HOXB13: variants seen among roughly 807,000 people sequenced by gnomAD.
HOXB13 encodes homeobox B13.
Under a neutral mutation model 23.1 loss-of-function variants are expected in HOXB13, and 22 were observed. That is an observed-to-expected ratio of 0.95 (90% confidence interval 0.68 to 1.36). The LOEUF (loss-of-function observed/expected upper bound fraction) is 1.36, where lower values mean the gene tolerates loss of function less well. Ranked by LOEUF, HOXB13 falls within the 40% of genes most tolerant of loss-of-function variation. The pLI, the probability that HOXB13 is intolerant of heterozygous loss-of-function variation, is 0.00. For synonymous variants in HOXB13, 173 were observed against 157.9 expected, an observed-to-expected ratio of 1.10 and a Z score of -0.72; for missense variants, 386 against 376.2, an observed-to-expected ratio of 1.03 and a Z score of -0.22.
rs1175466694 is a variant in HOXB13 at position 48,728,489 on chromosome 17, G to A, written c.105C>T (p.Ser35=). The change falls in exon 1 of 2, where the codon AGC becomes AGT. Residue 35 remains serine (S), a synonymous_variant. Transcript: ENST00000290295. The stretch of plus-strand genomic sequence containing the variant: ...GCATCAGCGTAGGCGCCGCTGGGTG[G>A]CTGGTCAGAGGGGAGTGGGCGACCA... ...RNLVAHSPLT[S]HPAAPTLMPA... is the part of the protein sequence containing the mutation. The A allele has an allele frequency of 4.3e-6, 7 of 1,613,290 alleles. No homozygotes were observed. The African/African-American group carries it at 6.7e-5, about 15-fold the overall frequency.
Position 48,728,678 on chromosome 17 carries a change from C to A in HOXB13, c.-85G>T, listed in dbSNP as rs2038245772. The A allele has an allele frequency of 1.5e-6, 2 of 1,363,052 alleles. No homozygotes were observed. Among genetic ancestry groups the A allele is most frequent in the East Asian group, 2.3e-5 (1 of 42,976 alleles). 84.4% of individuals were successfully genotyped at this position (1,363,052 alleles called of 1,614,324 possible). On this transcript the variant is annotated 5_prime_UTR_variant, in exon 1 of 2. Transcript: ENST00000290295. ...CTCTCCCCACCCAGGCCGGGGGAAT[C>A]CAAAGCGTTTTAAATCGCTCCCAGC...
At position 48,725,455 on chromosome 17, in the gene HOXB13, G is replaced by C. The variant is rs1464139404; in HGVS notation, c.*1335C>G. 1 of 152,208 alleles carries C rather than the reference G, an allele frequency of 6.6e-6. No individual in the cohort carries two copies. Among genetic ancestry groups the C allele is most frequent in the Non-Finnish European group, 1.5e-5 (1 of 68,064 alleles). 9.4% of individuals were successfully genotyped at this position (152,208 alleles called of 1,614,324 possible). A position where few individuals can be genotyped will look rare whatever the true frequency, so the allele number is the denominator to read the frequency against. ...GACCGCGGGCCATAAACACTTGGCTGCGGCGGCCGCCGCGGGGTTTCTAGG... is the reference window on the plus strand; with the variant it reads ...GACCGCGGGCCATAAACACTTGGCTCCGGCGGCCGCCGCGGGGTTTCTAGG... On this transcript the variant is annotated 3_prime_UTR_variant, in exon 2 of 2. Transcript: ENST00000290295.
chr17:48,727,446 TACAC>T (rs35119864), intron 1 of HOXB13, among the ~76,000 whole-genome samples: 1 of 149,688 alleles, frequency 6.7e-6, no homozygotes, highest in Non-Finnish European at 1.5e-5. Flanking sequence ...TACATGCGCA[TACAC>T]ACACACACAC....
chr17:48,728,553 T>A lies in HOXB13; in HGVS notation c.41A>T (p.Asp14Val). 1 of 1,612,976 alleles carries A rather than the reference T, an allele frequency of 6.2e-7. No individual in the cohort carries two copies. Among genetic ancestry groups the A allele is most frequent in the Non-Finnish European group, 8.5e-7 (1 of 1,179,958 alleles). ...GNYATLDGAKDIEGLLGAGGG... is the reference protein window; with the variant it reads ...GNYATLDGAKVIEGLLGAGGG... ...TCCCGCTCCCAGCAAGCCTTCGATA[T>A]CCTTGGCTCCATCCAAGGTGGCATA... is the stretch of plus-strand genomic sequence containing the variant. Residue 14 changes from aspartate (D) to valine (V), a missense_variant, in exon 1 of 2, where the codon GAT becomes GTT. By Grantham distance (152) the Asp-to-Val change is radical (BLOSUM62 -3). Transcript: ENST00000290295.
At position 48,728,037 on chromosome 17, in the gene HOXB13, C is replaced by T. The variant is rs1483360509; in HGVS notation, c.557G>A (p.Gly186Glu). The part of the protein sequence containing the change: ...GGWNSQMCCQ[G>E]EQNPPGPFWK... The stretch of plus-strand genomic sequence containing the variant: ...AAAGGGACCTGGTGGGTTCTGTTCT[C>T]CCTGGCAACACATCTGGCTGTTCCA... The change falls in exon 1 of 2, where the codon GGA becomes GAA. Residue 186 changes from glycine to glutamate, a missense_variant. By Grantham distance (98) the Gly-to-Glu change is moderately conservative. Coordinates refer to ENST00000290295, the MANE Select transcript of HOXB13 (RefSeq NM_006361.6). 3.1e-6 allele frequency: 5 copies of T among 1,614,208 alleles called. No homozygotes were observed. In the South Asian group the frequency reaches 5.5e-5, roughly 18 times the overall value.
chr17:48,727,088 C>T (rs1458362760), intron 1 of HOXB13, 45 bp from the exon 2 acceptor site: 6 of 1,593,234 alleles, frequency 3.8e-6, no homozygotes, highest in Non-Finnish European at 5.1e-6. Flanking sequence ...GGTCAGATAC[C>T]CACCCATGCA....
intron 1 of HOXB13, 95 bp from the exon 2 acceptor site, chr17:48,727,138 G>A (rs1280633931): frequency 6.9e-7 from 1 of 1,450,470 alleles, no homozygotes; most frequent in African/African-American, 1.4e-5. Flanking sequence ...TCATCTCACA[G>A]GTGCACACAG....
chr17:48,726,721 G>C lies in HOXB13; in HGVS notation c.*69C>G, dbSNP rs936773353. On this transcript the variant is annotated 3_prime_UTR_variant, in exon 2 of 2. Transcript: ENST00000290295. ...AGCAGAGTCCTTGGCCCCAGCCTGG[G>C]CTTGGCAGGTTCCTGGTCTCCCCAG... 6.4e-7 allele frequency: 1 copy of C among 1,574,220 alleles called. No homozygotes were observed. The highest frequency in any genetic ancestry group is 1.4e-5 in the African/African-American group (1 of 73,780).
Position 48,726,515 on chromosome 17 carries a change from C to G in HOXB13, c.*275G>C. 1 of 508,208 alleles carries G rather than the reference C, an allele frequency of 2.0e-6. No individual in the cohort carries two copies. Among genetic ancestry groups the G allele is most frequent in the East Asian group, 3.2e-5 (1 of 30,848 alleles). 31.5% of individuals were successfully genotyped at this position (508,208 alleles called of 1,614,324 possible). A position where few individuals can be genotyped will look rare whatever the true frequency, so the allele number is the denominator to read the frequency against. Reference sequence around the variant, plus strand: ...GATCATGGCAGCTAGTACTGGTTATCGTGATTATTGCCACTGTCAGGATGA... The same window carrying G: ...GATCATGGCAGCTAGTACTGGTTATGGTGATTATTGCCACTGTCAGGATGA... On this transcript the variant is annotated 3_prime_UTR_variant, in exon 2 of 2. Transcript: ENST00000290295.
chr17:48,726,252 C>A lies in HOXB13; in HGVS notation c.*538G>T, dbSNP rs2038207088. The A allele has an allele frequency of 6.4e-6, 1 of 155,066 alleles. No individual in the cohort carries two copies. Among genetic ancestry groups the A allele is most frequent in the African/African-American group, 2.4e-5 (1 of 41,470 alleles). 9.6% of individuals were successfully genotyped at this position (155,066 alleles called of 1,614,324 possible). A position where few individuals can be genotyped will look rare whatever the true frequency, so the allele number is the denominator to read the frequency against. On this transcript the variant is annotated 3_prime_UTR_variant, in exon 2 of 2. Transcript: ENST00000290295. The stretch of plus-strand genomic sequence containing the variant: ...GACAGCCTCTACAATTGTCCACCTA[C>A]CCAGCTGTCAGCTGAGAAAAATGCT...
chr17:48,725,860 A>G lies in HOXB13; in HGVS notation c.*930T>C, dbSNP rs2038202591. ...CCAGCTTCCAGAATTCCGCACTGTG[A>G]ATCTGTCTACGTGGACTGGGAAAAC... is the stretch of plus-strand genomic sequence containing the variant. On this transcript the variant is annotated 3_prime_UTR_variant, in exon 2 of 2. Transcript: ENST00000290295. 1.3e-5 allele frequency: 2 copies of G among 152,250 alleles called. No individual in the cohort carries two copies. The highest frequency in any genetic ancestry group is 4.8e-5 in the African/African-American group (2 of 41,460). The allele number at this position is 152,250 out of a possible 1,614,324, so 9.4% of individuals were successfully genotyped here.
rs1597934161 is a variant in HOXB13, at chr17:48,728,135, A to C, written c.459T>G (p.Gly153=). ...YLDVSVVQTL[G]APGEPRHDSL... is the part of the protein sequence containing the mutation. ...AGTCATGTCGCGGTTCTCCAGGAGC[A>C]CCCAGAGTCTGCACCACAGACACGT... The change falls in exon 1 of 2, where the codon GGT becomes GGG. Residue 153 remains glycine, a synonymous_variant. Transcript: ENST00000290295. 2 of 1,614,196 alleles carry C rather than the reference A, an allele frequency of 1.2e-6. No homozygotes were observed. The highest frequency in any genetic ancestry group is 1.7e-6 in the Non-Finnish European group (2 of 1,180,032).
At chr17:48,727,750 G>T (rs2143070037) in intron 1 of HOXB13, among the ~76,000 whole-genome samples, 1 of 152,222 alleles carries the variant, frequency 6.6e-6, no homozygotes, top group East Asian at 1.9e-4. Context: ...CTGGTCCCAG[G>T]GCCTCCTGGA....
In HOXB13 at chr17:48,728,184, T is replaced by C. The variant is rs770891609; in HGVS notation, c.410A>G (p.Tyr137Cys). 2 of 1,613,980 alleles carry C rather than the reference T, an allele frequency of 1.2e-6. No individual in the cohort carries two copies. The highest frequency in any genetic ancestry group is 1.3e-5 in the African/African-American group (1 of 74,986). Residue 137 changes from tyrosine (Y) to cysteine (C), a missense_variant, in exon 1 of 2, where the codon TAC (tyrosine) becomes TGC (cysteine). Coordinates refer to ENST00000290295, the MANE Select transcript of HOXB13 (RefSeq NM_006361.6). Reference protein sequence around the residue: ...FAFYPGYPGTYQPMASYLDVS... With the variant: ...FAFYPGYPGTCQPMASYLDVS... ...GTCCAGGTAACTGGCCATAGGCTGGTAGGTTCCCGGATATCCCGGATAGAA... is the reference window on the plus strand; with the variant it reads ...GTCCAGGTAACTGGCCATAGGCTGGCAGGTTCCCGGATATCCCGGATAGAA...
At position 48,728,527 on chromosome 17, in the gene HOXB13, CT is replaced by C; in HGVS notation, c.66del (p.Arg25GlyfsTer9). On this transcript the variant is annotated frameshift_variant, in exon 1 of 2. Coordinates refer to ENST00000290295, the MANE Select transcript of HOXB13 (RefSeq NM_006361.6). LOFTEE classifies it high-confidence loss of function. ...GAGTGGGCGACCAGATTCCGCCCCC[CT>C]CCCGCTCCCAGCAAGCCTTCGATAT... is the stretch of plus-strand genomic sequence containing the variant. ...AKDIEGLLGA[G>X]GGRNLVAHSP... The C allele has an allele frequency of 6.2e-6, 10 of 1,613,274 alleles. No homozygotes were observed. Among genetic ancestry groups the C allele is most frequent in the Non-Finnish European group, 8.5e-6 (10 of 1,179,962 alleles).
Position 48,728,140 on chromosome 17 carries a change from G to C in HOXB13, c.454C>G (p.Leu152Val), listed in dbSNP as rs140373548. 6.2e-7 allele frequency: 1 copy of C among 1,614,214 alleles called. No individual in the cohort carries two copies. The highest frequency in any genetic ancestry group is 8.5e-7 in the Non-Finnish European group (1 of 1,180,040). The change falls in exon 1 of 2, where the codon CTG becomes GTG. Residue 152 changes from leucine to valine, a missense_variant. By Grantham distance (32) the Leu-to-Val change is conservative (BLOSUM62 1). Transcript: ENST00000290295. ...TGTCGCGGTTCTCCAGGAGCACCCA[G>C]AGTCTGCACCACAGACACGTCCAGG... is the stretch of plus-strand genomic sequence containing the variant. ...SYLDVSVVQT[L>V]GAPGEPRHDS...
rs759838136 is a variant in HOXB13 at position 48,726,873 on chromosome 17, G to T, written c.772C>A (p.Arg258Ser). 1 of 1,614,060 alleles carries T rather than the reference G, an allele frequency of 6.2e-7. No individual in the cohort carries two copies. Among genetic ancestry groups the T allele is most frequent in the Non-Finnish European group, 8.5e-7 (1 of 1,180,006 alleles). The change falls in exon 2 of 2, where the codon CGC (arginine) becomes AGC (serine). Residue 258 changes from arginine (R) to serine (S), a missense_variant. Transcript: ENST00000290295. Reference protein sequence around the residue: ...KISAATSLSERQITIWFQNRR... With the variant: ...KISAATSLSESQITIWFQNRR... ...TTCTGAAACCAGATGGTAATCTGGC[G>T]CTCCGAGAGGCTGGTGGCTGCCGAG...
intron 1 of HOXB13, 98 bp from the exon 2 acceptor site, chr17:48,727,141 G>A: frequency 6.9e-7 from 1 of 1,451,788 alleles, no homozygotes; most frequent in South Asian, 1.3e-5. Context: ...TCTCACAGGT[G>A]CACACAGGTC....
In HOXB13 at chr17:48,726,269, A is replaced by T. The variant is rs187003057; in HGVS notation, c.*521T>A. The T allele has an allele frequency of 1.6e-3, 256 of 155,340 alleles. No homozygotes were observed. The highest frequency in any genetic ancestry group is 5.9e-3 in the African/African-American group (247 of 41,584). 9.6% of individuals were successfully genotyped at this position (155,340 alleles called of 1,614,324 possible). On this transcript the variant is annotated 3_prime_UTR_variant, in exon 2 of 2. Coordinates refer to ENST00000290295, the MANE Select transcript of HOXB13 (RefSeq NM_006361.6). Reference sequence around the variant, plus strand: ...TCCACCTACCCAGCTGTCAGCTGAGAAAAATGCTAAACGGACATCACAGCC... The same window carrying T: ...TCCACCTACCCAGCTGTCAGCTGAGTAAAATGCTAAACGGACATCACAGCC...
Sources: gnomAD v4.1 joint callset for allele counts (sites outside exome capture counted in the v4.1 genomes callset) on GRCh38, gnomAD v4.1.1 for gene constraint, MANE v1.5 for transcripts, NCBI Gene and HGNC (gene_info 2026-07-23, HGNC 2026-07-21) for gene names.